Variants in CSNK1D observed in about 807,000 individuals in gnomAD.
CSNK1D encodes the protein casein kinase 1 delta, also known as casein kinase I isoform delta.
CSNK1D carries 16 observed loss-of-function variants against 46.6 expected under a neutral mutation model. That is an observed-to-expected ratio of 0.34 (90% CI 0.23 to 0.52). The LOEUF is 0.52. CSNK1D is among the 20% of genes least tolerant of loss of function. The pLI is 0.95. For missense variants in CSNK1D, 398 were observed against 578.4 expected (o/e 0.69, Z 3.20); for synonymous variants, 276 against 228.2 (o/e 1.21, Z -1.89).
In CSNK1D at chr17:82,244,048, C is replaced by G. The variant is rs866731838; in HGVS notation, c.*733G>C. The G allele has an allele frequency of 1.9e-5, 19 of 989,060 alleles. No homozygotes were observed. The highest frequency in any genetic ancestry group is 2.0e-5 in the Non-Finnish European group (17 of 832,168). The allele number at this position is 989,060 out of a possible 1,614,324, so 61.3% of individuals were successfully genotyped here. A position where few individuals can be genotyped will look rare whatever the true frequency, so the allele number is the denominator to read the frequency against. Reference sequence around the variant, plus strand: ...CGGTCCCTAACTGCTCTCCGAGGGCCTCAAGAGTTCCTGACAGCAGGCATG... The same window carrying G: ...CGGTCCCTAACTGCTCTCCGAGGGCGTCAAGAGTTCCTGACAGCAGGCATG... On this transcript the variant is annotated 3_prime_UTR_variant, in exon 9 of 9. Transcript: ENST00000314028.
In CSNK1D at chr17:82,251,617, G is replaced by T; in HGVS notation, c.737-90C>A. 1.5e-6 allele frequency: 2 copies of T among 1,294,730 alleles called. No individual in the cohort carries two copies. The highest frequency in any genetic ancestry group is 2.2e-6 in the Non-Finnish European group (2 of 903,194). 80.2% of individuals were successfully genotyped at this position (1,294,730 alleles called of 1,614,324 possible). A position where few individuals can be genotyped will look rare whatever the true frequency, so the allele number is the denominator to read the frequency against. On this transcript the variant is annotated intron_variant, in intron 5 of 8. Transcript: ENST00000314028. This position sits in a 1 kb window ranked among gnomAD's most constrained non-coding sequence, Gnocchi z 4.5. Reference sequence around the variant, plus strand: ...ACGTCGCTGTCTACCTCCTGCTGCTGCACACTCAAGGGGAGAAGGACAGAT... The same window carrying T: ...ACGTCGCTGTCTACCTCCTGCTGCTTCACACTCAAGGGGAGAAGGACAGAT...
chr17:82,273,558 G>C lies in CSNK1D; in HGVS notation c.-177C>G. On this transcript the variant is annotated 5_prime_UTR_variant, in exon 1 of 9. Coordinates refer to ENST00000314028, the MANE Select transcript of CSNK1D (RefSeq NM_001893.6). The surrounding 1 kb of genome is among the most constrained non-coding windows in gnomAD (Gnocchi z 5.1). ...GCCGCTCCCAGCGCCTCAATACGGGGCGGATGGGACAGTCCGAGCGCCGCC... is the reference window on the plus strand; with the variant it reads ...GCCGCTCCCAGCGCCTCAATACGGGCCGGATGGGACAGTCCGAGCGCCGCC... 1.3e-6 allele frequency: 1 copy of C among 767,872 alleles called. No homozygotes were observed. Among genetic ancestry groups the C allele is most frequent in the Non-Finnish European group, 2.1e-6 (1 of 479,164 alleles). 47.6% of individuals were successfully genotyped at this position (767,872 alleles called of 1,614,324 possible). A position where few individuals can be genotyped will look rare whatever the true frequency, so the allele number is the denominator to read the frequency against.
At chr17:82,257,982 G>A (rs542088882) in intron 2 of CSNK1D, among the ~76,000 whole-genome samples, 16 of 152,206 alleles carry the variant, frequency 1.1e-4, no homozygotes, top group Middle Eastern at 3.4e-3. Flanking sequence ...GGAAGTGGGA[G>A]GATCACTTAA....
At position 82,251,177 on chromosome 17, in the gene CSNK1D, T is replaced by C. The variant is rs1247249434; in HGVS notation, c.885+202A>G. The C allele has an allele frequency of 1.6e-6, 1 of 612,322 alleles. No individual in the cohort carries two copies. Among genetic ancestry groups the C allele is most frequent in the Non-Finnish European group, 2.9e-6 (1 of 344,758 alleles). The allele number at this position is 612,322 out of a possible 1,614,324, so 37.9% of individuals were successfully genotyped here. On this transcript the variant is annotated intron_variant, in intron 6 of 8. Coordinates refer to ENST00000314028, the MANE Select transcript of CSNK1D (RefSeq NM_001893.6). The surrounding 1 kb of genome is among the most constrained non-coding windows in gnomAD (Gnocchi z 4.5). The stretch of plus-strand genomic sequence containing the variant: ...ATTCCATGGACCCCTCTGCGTTCCC[T>C]AATGGCGTCTTACTTCTTGGCACCC...
At chr17:82,271,409 T>G (rs747181170) in intron 1 of CSNK1D, among the ~76,000 whole-genome samples, 1 of 152,234 alleles carries the variant, frequency 6.6e-6, no homozygotes, top group African/African-American at 2.4e-5. Context: ...AGGTGGCTAA[T>G]GGACTGGCTT....
rs890057112 is a variant in CSNK1D at position 82,259,322 on chromosome 17, G to A, written c.188-3745C>T. ...TTAAATTTGCTCAACTCTCTAATCT[G>A]TTCTGAGATCCCTATTTAGGAAATT... On this transcript the variant is annotated intron_variant, in intron 2 of 8. Coordinates refer to ENST00000314028, the MANE Select transcript of CSNK1D (RefSeq NM_001893.6). Among the ~76,000 whole-genome samples, 7 of 152,270 alleles carry A rather than the reference G, an allele frequency of 4.6e-5. No homozygotes were observed. In the South Asian group the frequency reaches 6.2e-4, roughly 14 times the overall value.
rs117645346 is a variant in CSNK1D at position 82,258,977 on chromosome 17, C to T, written c.188-3400G>A. On this transcript the variant is annotated intron_variant, in intron 2 of 8. Coordinates refer to ENST00000314028, the MANE Select transcript of CSNK1D (RefSeq NM_001893.6). Reference sequence around the variant, plus strand: ...AGTGTTTTAATTAATCCTGGACTTGCACTCTTCTCAGTGAATTCTAGTCAC... The same window carrying T: ...AGTGTTTTAATTAATCCTGGACTTGTACTCTTCTCAGTGAATTCTAGTCAC... Among the ~76,000 whole-genome samples, 29 of 152,300 alleles carry T rather than the reference C, an allele frequency of 1.9e-4. No individual in the cohort carries two copies. The East Asian group carries it at 5.4e-3, about 28-fold the overall frequency.
In CSNK1D at chr17:82,244,494, C is replaced by A. The variant is rs984480504; in HGVS notation, c.*287G>T. ...CGGCCACCACTGGAGGGAGCTGAGGCCCTGGAAAAGGAGTCTGATTCTCTG... is the reference window on the plus strand; with the variant it reads ...CGGCCACCACTGGAGGGAGCTGAGGACCTGGAAAAGGAGTCTGATTCTCTG... On this transcript the variant is annotated 3_prime_UTR_variant, in exon 9 of 9. Coordinates refer to ENST00000314028, the MANE Select transcript of CSNK1D (RefSeq NM_001893.6). 4 of 1,399,796 alleles carry A rather than the reference C, an allele frequency of 2.9e-6. No homozygotes were observed. In the African/African-American group the frequency reaches 5.8e-5, roughly 20 times the overall value. 86.7% of individuals were successfully genotyped at this position (1,399,796 alleles called of 1,614,324 possible).
intron 3 of CSNK1D, 121 bp from the exon 4 acceptor site, chr17:82,253,365 T>G (rs538099483): frequency 2.3e-6 from 2 of 877,072 alleles, no homozygotes; most frequent in East Asian, 4.9e-5. Flanking sequence ...AGCAGGGTAG[T>G]TTAACAATTA....
In CSNK1D at chr17:82,250,202, T is replaced by A. The variant is rs1187469075; in HGVS notation, c.886-600A>T. On this transcript the variant is annotated intron_variant, in intron 6 of 8. Coordinates refer to ENST00000314028, the MANE Select transcript of CSNK1D (RefSeq NM_001893.6). This position sits in a 1 kb window ranked among gnomAD's most constrained non-coding sequence, Gnocchi z 4.6. ...AACCTATGAAAAAGCAGATTCTAAC[T>A]GCCAATGCTGTGCGGCAGGGGCCTG... 1 of 1,289,794 alleles carries A rather than the reference T, an allele frequency of 7.8e-7. No homozygotes were observed. The highest frequency in any genetic ancestry group is 2.3e-5 in the Admixed American group (1 of 43,562). The allele number at this position is 1,289,794 out of a possible 1,614,324, so 79.9% of individuals were successfully genotyped here.
chr17:82,259,197 CA>C (rs1310909780), intron 2 of CSNK1D, among the ~76,000 whole-genome samples: 1 of 152,178 alleles, frequency 6.6e-6, no homozygotes, highest in Non-Finnish European at 1.5e-5. Context: ...AAATTTACCC[CA>C]GATACCTTTT....
At chr17:82,247,584 G>A (rs146647477) in intron 8 of CSNK1D, 3 of 985,440 alleles carry the variant, frequency 3.0e-6, no homozygotes, top group African/African-American at 1.7e-5. Context: ...AGAGCCAGCC[G>A]CACATCAAGA....
At chr17:82,244,857 G>A (rs1342114140) in intron 8 of CSNK1D, 26 bp from the exon 9 acceptor site, 1 of 1,613,260 alleles carries the variant, frequency 6.2e-7, no homozygotes, top group Admixed American at 1.7e-5. Context: ...CACAGGAGAA[G>A]GTCAGCATGG....
intron 1 of CSNK1D, among the ~76,000 whole-genome samples, chr17:82,269,291 C>T (rs1022872172): frequency 3.9e-5 from 6 of 152,058 alleles, no homozygotes; most frequent in African/African-American, 9.7e-5. Flanking sequence ...CGCAGGGCAG[C>T]GGTCAGCAGT....
Position 82,273,189 on chromosome 17 carries a change from G to T in CSNK1D, c.76+117C>A. 9.3e-7 allele frequency: 1 copy of T among 1,075,226 alleles called. No homozygotes were observed. Among genetic ancestry groups the T allele is most frequent in the Non-Finnish European group, 1.3e-6 (1 of 744,056 alleles). 66.6% of individuals were successfully genotyped at this position (1,075,226 alleles called of 1,614,324 possible). ...TGGGTTCTGGCCACGATCCGGCGGT[G>T]CCGGGACTTGCGCGGAGACCCCGCG... is the stretch of plus-strand genomic sequence containing the variant. On this transcript the variant is annotated intron_variant, in intron 1 of 8. Coordinates refer to ENST00000314028, the MANE Select transcript of CSNK1D (RefSeq NM_001893.6). The surrounding 1 kb of genome is among the most constrained non-coding windows in gnomAD (Gnocchi z 5.1).
chr17:82,267,739 G>A (rs1168951815), intron 1 of CSNK1D, among the ~76,000 whole-genome samples: 3 of 152,194 alleles, frequency 2.0e-5, no homozygotes, highest in Non-Finnish European at 4.4e-5. Context: ...CGGGAGGGAG[G>A]GTGACTCATC....
In CSNK1D at chr17:82,255,660, G is replaced by A; in HGVS notation, c.188-83C>T. On this transcript the variant is annotated intron_variant, in intron 2 of 8. Coordinates refer to ENST00000314028, the MANE Select transcript of CSNK1D (RefSeq NM_001893.6). This position sits in a 1 kb window ranked among gnomAD's most constrained non-coding sequence, Gnocchi z 5.9. Reference sequence around the variant, plus strand: ...AAGTCTGCACTGTGCACACCAAGGGGTCATGGTGACAATCCTGAACGGGGG... The same window carrying A: ...AAGTCTGCACTGTGCACACCAAGGGATCATGGTGACAATCCTGAACGGGGG... 5 of 1,546,410 alleles carry A rather than the reference G, an allele frequency of 3.2e-6. No individual in the cohort carries two copies. Among genetic ancestry groups the A allele is most frequent in the Admixed American group, 1.7e-5 (1 of 59,934 alleles).
downstream of CSNK1D, among the ~76,000 whole-genome samples, chr17:82,240,637 C>A (rs2050729962): frequency 6.6e-6 from 1 of 152,188 alleles, no homozygotes; most frequent in South Asian, 2.1e-4. Context: ...CCCTCGTCTG[C>A]CCCACTCTGG....
At chr17:82,272,852 G>A (rs1180828474) in intron 1 of CSNK1D, among the ~76,000 whole-genome samples, 1 of 152,042 alleles carries the variant, frequency 6.6e-6, no homozygotes, top group Non-Finnish European at 1.5e-5. Flanking sequence ...AGAGGAAGCC[G>A]ACGCCCGCTT....
Sources: gnomAD v4.1 joint callset for allele counts (sites outside exome capture counted in the v4.1 genomes callset) on GRCh38, gnomAD v4.1.1 for gene constraint, Gnocchi (gnomAD v3.1) non-coding constraint, MANE v1.5 for transcripts, NCBI Gene and HGNC (gene_info 2026-07-23, HGNC 2026-07-21) for gene names.